TXNDC15: variants seen among roughly 807,000 people sequenced by gnomAD.
TXNDC15 encodes thioredoxin domain-containing protein 15.
In TXNDC15, 24 loss-of-function variants were observed where a neutral mutation model predicts 35.0. The observed-to-expected ratio is 0.68, with a 90% CI of 0.50 to 0.96. The LOEUF (loss-of-function observed/expected upper bound fraction) is 0.96, where lower values mean the gene tolerates loss of function less well. TXNDC15 is among the 40% of genes least tolerant of loss of function. The pLI is 0.00. For missense variants in TXNDC15, 385 were observed against 453.3 expected (o/e 0.85, Z 1.37); for synonymous variants, 169 against 174.0 (o/e 0.97, Z 0.23).
chr5:134,890,766 C>G (rs1443635351), intron 2 of TXNDC15, among the ~76,000 whole-genome samples: 1 of 152,216 alleles, frequency 6.6e-6, no homozygotes, highest in Non-Finnish European at 1.5e-5. Context: ...GCATGCAATG[C>G]TGTTTGATAG....
At position 134,879,282 on chromosome 5, in the gene TXNDC15, A is replaced by G. The variant is rs1428681908; in HGVS notation, c.103+4752A>G. ...TCCCTTTTGATTTTGTGCAGGGGCT[A>G]TCTGAGGGTCATCAGAGAGAACCAG... On this transcript the variant is annotated intron_variant, in intron 1 of 4. Transcript: ENST00000358387. 2.0e-5 allele frequency among the ~76,000 whole-genome samples: 3 copies of G among 152,308 alleles called. No homozygotes were observed. The East Asian group carries it at 5.8e-4, about 29-fold the overall frequency.
At position 134,899,525 on chromosome 5, in the gene TXNDC15, C is replaced by T; in HGVS notation, c.923C>T (p.Ala308Val). 1.2e-6 allele frequency: 2 copies of T among 1,613,356 alleles called. No homozygotes were observed. Among genetic ancestry groups the T allele is most frequent in the African/African-American group, 1.3e-5 (1 of 74,878 alleles). ...AAGAAGAATGTGGTGGTAACTCAAG[C>T]CGACCAAATAGGCCCTCTTCCCAGC... Reference protein sequence around the residue: ...EAKKNVVVTQADQIGPLPSTL... With the variant: ...EAKKNVVVTQVDQIGPLPSTL... The change falls in exon 5 of 5, where the codon GCC (alanine) becomes GTC (valine). Residue 308 changes from alanine to valine, a missense_variant. Transcript: ENST00000358387.
intron 1 of TXNDC15, among the ~76,000 whole-genome samples, chr5:134,881,810 C>G (rs1561897228): frequency 1.4e-5 from 2 of 139,780 alleles, no homozygotes. Context: ...GCTGGCCGGG[C>G]GGGGGGCTGA....
rs981087205 is a variant in TXNDC15 at position 134,901,512 on chromosome 5, C to G, written c.*1827C>G. The G allele has an allele frequency of 4.6e-5, 7 of 152,188 alleles. No homozygotes were observed. Among genetic ancestry groups the G allele is most frequent in the Admixed American group, 3.9e-4 (6 of 15,280 alleles). 9.4% of individuals were successfully genotyped at this position (152,188 alleles called of 1,614,324 possible). A position where few individuals can be genotyped will look rare whatever the true frequency, so the allele number is the denominator to read the frequency against. On this transcript the variant is annotated 3_prime_UTR_variant, in exon 5 of 5. Coordinates refer to ENST00000358387, the MANE Select transcript of TXNDC15 (RefSeq NM_024715.4). ...CTTATAAATACAAATGTAAGGAAAA[C>G]TCTAGTGAGTCCACCTCTTATATTG... is the stretch of plus-strand genomic sequence containing the variant.
intron 2 of TXNDC15, chr5:134,892,418 C>T (rs1750407636): frequency 6.6e-6 from 1 of 152,174 alleles, no homozygotes; most frequent in African/African-American, 2.4e-5. Flanking sequence ...GATCGTCTAT[C>T]TATAGCATTA....
Position 134,896,391 on chromosome 5 carries a change from G to C in TXNDC15, c.853G>C (p.Glu285Gln). 3 of 1,613,674 alleles carry C rather than the reference G, an allele frequency of 1.9e-6. No homozygotes were observed. The highest frequency in any genetic ancestry group is 1.7e-6 in the Non-Finnish European group (2 of 1,179,944). ...ATTTAATCATACAGATCGAACACTG[G>C]AAACACTGAAAATCTTCATTTTTAA... ...ARFNHTDRTL[E>Q]TLKIFIFNQT... The change falls in exon 4 of 5, where the codon GAA (glutamate) becomes CAA (glutamine). Residue 285 changes from glutamate (E) to glutamine (Q), a missense_variant. Physicochemically the swap from Glu to Gln is conservative, Grantham distance 29. Transcript: ENST00000358387.
rs900010754 is a variant in TXNDC15, at chr5:134,882,640, C to G, written c.104-5055C>G. 1.3e-4 allele frequency among the ~76,000 whole-genome samples: 20 copies of G among 152,244 alleles called. 1 individual carries two copies. The highest frequency in any genetic ancestry group is 1.3e-3 in the Admixed American group (20 of 15,288). ...ATCACTCGCGGTTAGGAGCTGGAGA[C>G]CAGCCCGGCCAACACAGCGAAACCC... On this transcript the variant is annotated intron_variant, in intron 1 of 4. Coordinates refer to ENST00000358387, the MANE Select transcript of TXNDC15 (RefSeq NM_024715.4).
chr5:134,888,581 T>G (rs1358552031), intron 2 of TXNDC15, among the ~76,000 whole-genome samples: 1 of 152,126 alleles, frequency 6.6e-6, no homozygotes, highest in Non-Finnish European at 1.5e-5. Flanking sequence ...CCTCCTGAGT[T>G]CAAATGATTT....
At chr5:134,878,678 G>T (rs1435336949) in intron 1 of TXNDC15, among the ~76,000 whole-genome samples, 1 of 152,172 alleles carries the variant, frequency 6.6e-6, no homozygotes, top group African/African-American at 2.4e-5. Flanking sequence ...ATCACTTTAT[G>T]TATAGCTCAA....
At chr5:134,881,191 A>ATTTATTTATTTT (rs1308277384) in intron 1 of TXNDC15, among the ~76,000 whole-genome samples, 4 of 133,582 alleles carry the variant, frequency 3.0e-5, no homozygotes, top group Admixed American at 1.5e-4. Flanking sequence ...TTATTTATTT[A>ATTTATTTATTTT]TTTATTTATT....
intron 3 of TXNDC15, chr5:134,896,063 C>A (rs1750483115): frequency 2.6e-6 from 1 of 387,182 alleles, no homozygotes; most frequent in Admixed American, 4.6e-5. Flanking sequence ...TTGGTAGATC[C>A]ATATTATAAT....
chr5:134,878,377 A>G (rs1275305333), intron 1 of TXNDC15, among the ~76,000 whole-genome samples: 2 of 152,160 alleles, frequency 1.3e-5, no homozygotes, highest in African/African-American at 4.8e-5. Flanking sequence ...TAGCCTCATA[A>G]TTTTCTACAT....
chr5:134,899,459 C>G (rs1561902723), intron 4 of TXNDC15, 30 bp from the exon 5 acceptor site: 53 of 1,593,964 alleles, frequency 3.3e-5, no homozygotes, highest in Admixed American at 5.7e-5. Context: ...CTTTTTCTGC[C>G]TGATTTGAAA....
intron 2 of TXNDC15, among the ~76,000 whole-genome samples, chr5:134,889,741 GTTTGGTTC>G (rs1750350782): frequency 6.6e-6 from 1 of 152,184 alleles, no homozygotes; most frequent in Non-Finnish European, 1.5e-5. Context: ...GATACTACAG[GTTTGGTTC>G]CAGACCACTG....
chr5:134,875,217 G>T (rs1460607500), intron 1 of TXNDC15: 5 of 456,300 alleles, frequency 1.1e-5, no homozygotes, highest in Non-Finnish European at 2.2e-5. Flanking sequence ...CTAGAGGCAT[G>T]GCGAGGGTGG....
Position 134,874,443 on chromosome 5 carries a change from G to C in TXNDC15, c.16G>C (p.Gly6Arg). The change falls in exon 1 of 5, where the codon GGT becomes CGT. Residue 6 changes from glycine (G) to arginine (R), a missense_variant. Transcript: ENST00000358387. MVPAA[G>R]RRPPRVMRLL... is the part of the protein sequence containing the mutation. ...GGCCTGGGCAATGGTCCCGGCTGCC[G>C]GTCGACGACCGCCCCGCGTCATGCG... is the stretch of plus-strand genomic sequence containing the variant. 6.2e-7 allele frequency: 1 copy of C among 1,601,612 alleles called. No individual in the cohort carries two copies. Among genetic ancestry groups the C allele is most frequent in the Non-Finnish European group, 8.5e-7 (1 of 1,176,870 alleles).
At chr5:134,889,946 T>C (rs887463820) in intron 2 of TXNDC15, among the ~76,000 whole-genome samples, 1 of 152,164 alleles carries the variant, frequency 6.6e-6, no homozygotes, top group African/African-American at 2.4e-5. Flanking sequence ...CTTCAGTGAG[T>C]TGTAATCTTT....
intron 1 of TXNDC15, among the ~76,000 whole-genome samples, chr5:134,878,954 G>A (rs1278485899): frequency 6.6e-6 from 1 of 152,156 alleles, no homozygotes; most frequent in East Asian, 1.9e-4. Context: ...AGCTGAGATC[G>A]TGCCACTGCA....
At chr5:134,887,061 T>G (rs772070532) in intron 1 of TXNDC15, among the ~76,000 whole-genome samples, 22 of 152,276 alleles carry the variant, frequency 1.4e-4, no homozygotes, top group Non-Finnish European at 3.1e-4. Flanking sequence ...GTGTTTATAT[T>G]CTATTTTCCT....
Sources: allele counts gnomAD v4.1 joint callset (sites outside exome capture counted in the v4.1 genomes callset), GRCh38; gene constraint gnomAD v4.1.1; transcripts MANE v1.5; gene names NCBI Gene and HGNC (gene_info 2026-07-23, HGNC 2026-07-21).